The following ITPR2 variants were observed in gnomAD, a reference collection of about 807,000 sequenced individuals.
ITPR2 encodes the protein inositol 1,4,5-trisphosphate-gated calcium channel ITPR2.
A neutral mutation model predicts 317.1 loss-of-function variants in ITPR2; 207 were observed. That is an observed-to-expected ratio of 0.65 (90% CI 0.58 to 0.73). The LOEUF (loss-of-function observed/expected upper bound fraction) is 0.73, where lower values mean the gene tolerates loss of function less well. Among genes scored for constraint, ITPR2 ranks in the 30% least tolerant of loss-of-function variants. The pLI, the probability that ITPR2 is intolerant of heterozygous loss-of-function variation, is 0.00. For missense variants in ITPR2, 2,613 were observed against 3,284.0 expected (o/e 0.80, Z 4.99); for synonymous variants, 1,156 against 1,149.1 (o/e 1.01, Z -0.12).
intron 37 of ITPR2, among the ~76,000 whole-genome samples, chr12:26,529,764 A>C (rs575644621): frequency 6.6e-6 from 1 of 152,362 alleles, no homozygotes; most frequent in South Asian, 2.1e-4. Flanking sequence ...TAACATCCTT[A>C]AAATGATTCC....
At position 26,657,743 on chromosome 12, in the gene ITPR2, C is replaced by A. The variant is rs767162647; in HGVS notation, c.2156G>T (p.Gly719Val). The A allele has an allele frequency of 3.1e-6, 5 of 1,613,984 alleles. No individual in the cohort carries two copies. Among genetic ancestry groups the A allele is most frequent in the Admixed American group, 3.3e-5 (2 of 60,002 alleles). The change falls in exon 18 of 57, where the codon GGC becomes GTC. Residue 719 changes from glycine (G) to valine (V), a missense_variant. By Grantham distance (109) the Gly-to-Val change is moderately radical. Coordinates refer to ENST00000381340, the MANE Select transcript of ITPR2 (RefSeq NM_002223.4). ...IRHLAQEAKE[G>V]TKADLEVLTY... ...AAGAACTTCTAAGTCAGCTTTGGTG[C>A]CTTCTTTTGCCTCTTGAGCAAGGTG...
chr12:26,816,590 C>T (rs1428990467), intron 1 of ITPR2, among the ~76,000 whole-genome samples: 3 of 152,188 alleles, frequency 2.0e-5, no homozygotes, highest in Non-Finnish European at 4.4e-5. Context: ...CAAAGCCAGA[C>T]ATAGTCACAG....
At chr12:26,565,950 A>G (rs1175609232) in intron 34 of ITPR2, among the ~76,000 whole-genome samples, 1 of 11,488 alleles carries the variant, frequency 8.7e-5, no homozygotes, top group Non-Finnish European at 1.6e-4. Context: ...AGGAGAGGAG[A>G]GGGGAGGAGA....
At chr12:26,380,059 C>G (rs1440677558) in intron 55 of ITPR2, among the ~76,000 whole-genome samples, 1 of 152,186 alleles carries the variant, frequency 6.6e-6, no homozygotes, top group Non-Finnish European at 1.5e-5. Flanking sequence ...TCTTATTCTC[C>G]ATGGCAATTC....
In ITPR2 at chr12:26,622,274, C is replaced by G. The variant is rs1209733459; in HGVS notation, c.3254G>C (p.Ser1085Thr). 7 of 1,613,748 alleles carry G rather than the reference C, an allele frequency of 4.3e-6. No homozygotes were observed. The highest frequency in any genetic ancestry group is 5.9e-6 in the Non-Finnish European group (7 of 1,179,826). Residue 1085 changes from serine to threonine, a missense_variant, in exon 25 of 57, where the codon AGC becomes ACC. Ser to Thr is a moderately conservative substitution (Grantham distance 58). This residue lies in a region of ITPR2 where 817 missense variants were observed against 897.6 expected (regional missense o/e 0.91). Coordinates refer to ENST00000381340, the MANE Select transcript of ITPR2 (RefSeq NM_002223.4). ...GALQLLFKHFSQRAEVLQAFK... is the reference protein window; with the variant it reads ...GALQLLFKHFTQRAEVLQAFK... ...TGCCTGTAAAACCTCTGCCCTCTGG[C>G]TGAAGTGCTTAAACAACAGCTGCAG...
chr12:26,521,675 G>T (rs1467492455), intron 37 of ITPR2, among the ~76,000 whole-genome samples: 1 of 152,060 alleles, frequency 6.6e-6, no homozygotes, highest in Non-Finnish European at 1.5e-5. Context: ...AGAAAGGAGA[G>T]ATGCTCAGGG....
chr12:26,655,876 C>T (rs376441701), intron 19 of ITPR2, 24 bp from the exon 20 acceptor site: 22 of 1,594,542 alleles, frequency 1.4e-5, no homozygotes, highest in South Asian at 5.6e-5. Context: ...AAGAAGATAA[C>T]GCAAGTTAAA....
intron 13 of ITPR2, among the ~76,000 whole-genome samples, chr12:26,676,477 T>TAAA (rs75516235): frequency 1.3e-3 from 169 of 131,464 alleles, no homozygotes; most frequent in Non-Finnish European, 2.1e-3. Context: ...ACTCTGTCTC[T>TAAA]AAAAAAAAAA....
chr12:26,682,436 G>T, intron 12 of ITPR2, 138 bp downstream of exon 12: 1 of 623,930 alleles, frequency 1.6e-6, no homozygotes, highest in East Asian at 2.8e-5. Flanking sequence ...AGACATGCAT[G>T]CTTGATGAAA....
chr12:26,734,740 T>C (rs1426363083), intron 2 of ITPR2, among the ~76,000 whole-genome samples: 2 of 152,112 alleles, frequency 1.3e-5, no homozygotes, highest in East Asian at 3.8e-4. Context: ...CTGAATTAAT[T>C]GCTGTTCTCA....
intron 2 of ITPR2, among the ~76,000 whole-genome samples, chr12:26,766,709 A>G (rs1026090194): frequency 1.3e-5 from 2 of 152,194 alleles, no homozygotes; most frequent in African/African-American, 4.8e-5. Flanking sequence ...AAGGTCATAC[A>G]GATTTACTCC....
At chr12:26,491,415 G>A (rs762133180) in intron 39 of ITPR2, among the ~76,000 whole-genome samples, 18 of 145,590 alleles carry the variant, frequency 1.2e-4, no homozygotes, top group Non-Finnish European at 1.8e-4. Context: ...CCCAGGAGGC[G>A]GAGTTTGCAG....
chr12:26,738,923 C>A (rs893380659), intron 2 of ITPR2, among the ~76,000 whole-genome samples: 1 of 152,192 alleles, frequency 6.6e-6, no homozygotes, highest in Non-Finnish European at 1.5e-5. Context: ...CAAAAGCAAG[C>A]ACATTTCTAA....
At chr12:26,459,656 C>T (rs1018278113) in intron 45 of ITPR2, among the ~76,000 whole-genome samples, 6 of 152,186 alleles carry the variant, frequency 3.9e-5, no homozygotes, top group Admixed American at 2.6e-4. Context: ...GTTTCAATTC[C>T]TCCTTCTTTC....
intron 37 of ITPR2, among the ~76,000 whole-genome samples, chr12:26,511,400 T>G (rs1444772641): frequency 2.0e-5 from 3 of 152,230 alleles, no homozygotes; most frequent in Non-Finnish European, 4.4e-5. Flanking sequence ...AGAGTAAATT[T>G]AAAACAGAAA....
At chr12:26,511,369 A>G (rs568926841) in intron 37 of ITPR2, among the ~76,000 whole-genome samples, 4 of 152,226 alleles carry the variant, frequency 2.6e-5, no homozygotes, top group Non-Finnish European at 5.9e-5. Flanking sequence ...ACACTCATAC[A>G]GTACTCTGGA....
intron 2 of ITPR2, among the ~76,000 whole-genome samples, chr12:26,760,227 C>T (rs1454066223): frequency 6.6e-6 from 1 of 152,180 alleles, no homozygotes; most frequent in Non-Finnish European, 1.5e-5. Flanking sequence ...TGGCTGAATT[C>T]ATAGATGTAG....
chr12:26,574,355 G>A (rs934307473), intron 34 of ITPR2, among the ~76,000 whole-genome samples: 3 of 152,184 alleles, frequency 2.0e-5, no homozygotes, highest in South Asian at 2.1e-4. Flanking sequence ...ATCCCTTGAC[G>A]ACTGAGGGTT....
chr12:26,372,453 G>T (rs1475651399), intron 55 of ITPR2, among the ~76,000 whole-genome samples: 1 of 152,154 alleles, frequency 6.6e-6, no homozygotes, highest in Non-Finnish European at 1.5e-5. Context: ...TGAATGTAGG[G>T]ATGTTTACGC....
Sources: gnomAD v4.1 joint callset for allele counts (sites outside exome capture counted in the v4.1 genomes callset) on GRCh38, gnomAD v4.1.1 for gene constraint, gnomAD v4.1.1 regional missense constraint, MANE v1.5 for transcripts, NCBI Gene and HGNC (gene_info 2026-07-23, HGNC 2026-07-21) for gene names.